Variants in BAIAP3 observed in about 807,000 individuals in gnomAD.
BAIAP3 encodes BAI1-associated protein 3.
In BAIAP3, 180 loss-of-function variants were observed where a neutral mutation model predicts 149.7. The ratio of observed to expected loss-of-function variants is 1.20; its 90% CI spans 1.07 to 1.36. BAIAP3 has a LOEUF of 1.36. BAIAP3 is among the 40% of genes most tolerant of loss of function. The pLI is 0.00. For missense variants in BAIAP3, 1,767 were observed against 1,563.4 expected (o/e 1.13, Z -2.20); for synonymous variants, 845 against 670.7 (o/e 1.26, Z -4.02).
intron 15 of BAIAP3, 43 bp from the exon 16 acceptor site, chr16:1,343,979 G>C: frequency 1.2e-6 from 2 of 1,608,132 alleles, no homozygotes; most frequent in Non-Finnish European, 1.7e-6. Context: ...CCTCATCAGT[G>C]GCCGGTCGGG....
In BAIAP3 at chr16:1,347,718, C is replaced by T. The variant is rs778223265; in HGVS notation, c.2922C>T (p.Asn974=). Reference sequence around the variant, plus strand: ...TTCCGCAGAGGACCCTGGAGCAGAACCGGTTTGGACGCCTGAGCGTCCGTT... The same window carrying T: ...TTCCGCAGAGGACCCTGGAGCAGAATCGGTTTGGACGCCTGAGCGTCCGTT... ...DKLKQRTLEQ[N]RFGRLSVRCH... is the part of the protein sequence containing the mutation. Residue 974 remains asparagine, a synonymous_variant, in exon 31 of 34, where the codon AAC becomes AAT. Transcript: ENST00000426824. 6.2e-7 allele frequency: 1 copy of T among 1,610,092 alleles called. No homozygotes were observed. Among genetic ancestry groups the T allele is most frequent in the South Asian group, 1.1e-5 (1 of 91,032 alleles).
Position 1,346,643 on chromosome 16 carries a change from G to A in BAIAP3, c.2601G>A (p.Leu867=), listed in dbSNP as rs1246124941. Reference sequence around the variant, plus strand: ...TCATGAAGTACCTGGATGAGAAGCTGGCCCTGCTGAACGCCTCGCTGGTGA... The same window carrying A: ...TCATGAAGTACCTGGATGAGAAGCTAGCCCTGCTGAACGCCTCGCTGGTGA... ...APLMKYLDEK[L]ALLNASLVKG... Residue 867 remains leucine (L), a synonymous_variant, in exon 27 of 34, where the codon CTG becomes CTA. Transcript: ENST00000426824. 1.3e-6 allele frequency: 2 copies of A among 1,503,040 alleles called. No homozygotes were observed. The highest frequency in any genetic ancestry group is 1.8e-6 in the Non-Finnish European group (2 of 1,120,712). The allele number at this position is 1,503,040 out of a possible 1,614,324, so 93.1% of individuals were successfully genotyped here.
chr16:1,339,160 A>T lies in BAIAP3; in HGVS notation c.220-4A>T, dbSNP rs2033679293. 3.8e-6 allele frequency: 6 copies of T among 1,566,590 alleles called. No individual in the cohort carries two copies. The East Asian group carries it at 1.4e-4, about 37-fold the overall frequency. On this transcript the variant is annotated splice_region_variant and splice_polypyrimidine_tract_variant and intron_variant, in intron 3 of 33. Transcript: ENST00000426824. ...AGAGCCCTCACCCTGGGCCCCACAC[A>T]CAGGTCCCCCTGCGCAGTGGCTCGC...
At chr16:1,334,569 A>G (rs567895945) in intron 1 of BAIAP3, 2 of 1,242,200 alleles carry the variant, frequency 1.6e-6, no homozygotes, top group Non-Finnish European at 2.3e-6. Flanking sequence ...GCTGGGCGCC[A>G]GCGGCTGGAC....
At chr16:1,337,734 T>G (rs1229419932) in intron 1 of BAIAP3, among the ~76,000 whole-genome samples, 1 of 152,108 alleles carries the variant, frequency 6.6e-6, no homozygotes. Flanking sequence ...CATGGCAACA[T>G]GAGGGGAACT....
In BAIAP3 at chr16:1,344,081, C is replaced by A; in HGVS notation, c.1446C>A (p.Arg482=). The A allele has an allele frequency of 6.2e-7, 1 of 1,612,250 alleles. No homozygotes were observed. Among genetic ancestry groups the A allele is most frequent in the Non-Finnish European group, 8.5e-7 (1 of 1,179,914 alleles). The change falls in exon 16 of 34, where the codon CGC becomes CGA. Residue 482 remains arginine, a synonymous_variant. Transcript: ENST00000426824. ...CTGAGTTCGGGCTGCAGCTGCTGCG[C>A]CAGCTCCGAGACTACTTCCCTGCCA... The part of the protein sequence containing the change: ...AFSEFGLQLL[R]QLRDYFPATN...
chr16:1,349,276 G>T lies in BAIAP3; in HGVS notation c.*794G>T. 1 of 795,888 alleles carries T rather than the reference G, an allele frequency of 1.3e-6. No individual in the cohort carries two copies. The highest frequency in any genetic ancestry group is 2.1e-6 in the Non-Finnish European group (1 of 471,506). The allele number at this position is 795,888 out of a possible 1,614,324, so 49.3% of individuals were successfully genotyped here. On this transcript the variant is annotated 3_prime_UTR_variant, in exon 34 of 34. Coordinates refer to ENST00000426824, the MANE Select transcript of BAIAP3 (RefSeq NM_001199097.2). The stretch of plus-strand genomic sequence containing the variant: ...CAGCTTCATTTGCGAGAGCGCCGAG[G>T]CAGGACACAGAGCACAGCTGTGCTG...
rs538540698 is a variant in BAIAP3 at position 1,346,253 on chromosome 16, C to T, written c.2385C>T (p.Ala795=). 5.0e-6 allele frequency: 8 copies of T among 1,611,240 alleles called. No homozygotes were observed. The East Asian group carries it at 1.3e-4, about 27-fold the overall frequency. ...AGGGCCTGGCATGGCCAGAGGGGGCCACGGGGCCCGAGGGGGTGCTCCCCC... is the reference window on the plus strand; with the variant it reads ...AGGGCCTGGCATGGCCAGAGGGGGCTACGGGGCCCGAGGGGGTGCTCCCCC... The part of the protein sequence containing the change: ...ALKGLAWPEG[A]TGPEGVLPRP... Residue 795 remains alanine, a synonymous_variant, in exon 25 of 34, where the codon GCC becomes GCT. Transcript: ENST00000426824.
chr16:1,340,451 C>T (rs1455012826), intron 5 of BAIAP3, among the ~76,000 whole-genome samples: 2 of 83,510 alleles, frequency 2.4e-5, no homozygotes, highest in African/African-American at 7.2e-5. Flanking sequence ...ACACAGGTTG[C>T]AGGTGCACAC....
Position 1,345,952 on chromosome 16 carries a change from G to A in BAIAP3, c.2209-34G>A, listed in dbSNP as rs751464426. On this transcript the variant is annotated intron_variant, in intron 23 of 33. Transcript: ENST00000426824. ...GGGAGAGGAGATGGGGCAGGGGAGGGCTCCATGGCTCCCCACCGCCATCCC... is the reference window on the plus strand; with the variant it reads ...GGGAGAGGAGATGGGGCAGGGGAGGACTCCATGGCTCCCCACCGCCATCCC... 4.4e-6 allele frequency: 7 copies of A among 1,588,770 alleles called. No homozygotes were observed. In the South Asian group the frequency reaches 6.8e-5, roughly 16 times the overall value.
Position 1,345,357 on chromosome 16 carries a change from C to A in BAIAP3, c.2049C>A (p.Ala683=). The A allele has an allele frequency of 6.2e-7, 1 of 1,612,492 alleles. No homozygotes were observed. Residue 683 remains alanine (A), a synonymous_variant, in exon 22 of 34, where the codon GCC becomes GCA. Transcript: ENST00000426824. The part of the protein sequence containing the change: ...RDQAKWRLQG[A]VDMDTLEPVD... ...AGGCCAAGTGGAGGCTTCAGGGAGCCGTGGACATGGACACGGTGACAGCTG... is the reference window on the plus strand; with the variant it reads ...AGGCCAAGTGGAGGCTTCAGGGAGCAGTGGACATGGACACGGTGACAGCTG...
chr16:1,342,618 AG>A lies in BAIAP3; in HGVS notation c.1050del (p.Lys350AsnfsTer2). On this transcript the variant is annotated frameshift_variant, in exon 12 of 34. Coordinates refer to ENST00000426824, the MANE Select transcript of BAIAP3 (RefSeq NM_001199097.2). LOFTEE classifies it high-confidence loss of function. The part of the protein sequence containing the change: ...RVQGHCHLVL[K>X]LITTQRDTAM... ...CAGGGACACTGCCACCTGGTTCTCA[AG>A]CTGATCACTACGCAGGTGGGGAAAG... 6.3e-7 allele frequency: 1 copy of A among 1,579,370 alleles called. No individual in the cohort carries two copies.
rs1418879363 is a variant in BAIAP3 at position 1,343,011 on chromosome 16, C to G, written c.1260C>G (p.Ala420=). The G allele has an allele frequency of 6.2e-7, 1 of 1,603,632 alleles. No homozygotes were observed. The highest frequency in any genetic ancestry group is 8.5e-7 in the Non-Finnish European group (1 of 1,177,216). Residue 420 remains alanine, a synonymous_variant, in exon 14 of 34, where the codon GCC becomes GCG. Transcript: ENST00000426824. The stretch of plus-strand genomic sequence containing the variant: ...GCAACCTGTCACCCTTGCAGCTGGC[C>G]GTGCTGTGAGTGGGTGGAGCTACGA... ...AQSNLSPLQL[A]VLHWQVSSRH...
chr16:1,345,592 CG>C, intron 22 of BAIAP3, 154 bp from the exon 23 acceptor site: 1 of 216,622 alleles, frequency 4.6e-6, no homozygotes, highest in Non-Finnish European at 7.4e-6. Flanking sequence ...CAGCCTCCCC[CG>C]CAACCCCAGC....
At chr16:1,337,789 A>G (rs916612368) in intron 1 of BAIAP3, among the ~76,000 whole-genome samples, 3 of 152,140 alleles carry the variant, frequency 2.0e-5, no homozygotes, top group Admixed American at 2.0e-4. Flanking sequence ...TACACCCGGC[A>G]TTTTCCAGCG....
chr16:1,346,559 G>C (rs772580061), intron 26 of BAIAP3, 46 bp from the exon 27 acceptor site: 1 of 1,580,036 alleles, frequency 6.3e-7, no homozygotes, highest in Non-Finnish European at 8.6e-7. Flanking sequence ...ACTGGGGGTA[G>C]GGCAGAGGTG....
chr16:1,348,247 G>C lies in BAIAP3; in HGVS notation c.3301G>C (p.Gly1101Arg). The C allele has an allele frequency of 6.2e-7, 1 of 1,604,840 alleles. No homozygotes were observed. Among genetic ancestry groups the C allele is most frequent in the Non-Finnish European group, 8.5e-7 (1 of 1,177,806 alleles). ...TGTCGCCCGGCCCCAGGTGGGCGGG[G>C]GTGCAAGGGCTGGGCAGCCTGTCAC... ...TGVARPQVGG[G>R]ARAGQPVTLH... The change falls in exon 33 of 34, where the codon GGT (glycine) becomes CGT (arginine). Residue 1101 changes from glycine to arginine, a missense_variant. Gly to Arg is a moderately radical substitution (Grantham distance 125). Coordinates refer to ENST00000426824, the MANE Select transcript of BAIAP3 (RefSeq NM_001199097.2).
chr16:1,345,482 C>A, intron 22 of BAIAP3, 110 bp downstream of exon 22: 1 of 1,311,058 alleles, frequency 7.6e-7, no homozygotes. Context: ...CTCCGCCTCC[C>A]CAGCCTCCCC....
In BAIAP3 at chr16:1,345,611, G is replaced by GCAACCCCAGCCTCCCCCA. The variant is rs2034287343; in HGVS notation, c.2065-119_2065-102dup. The stretch of plus-strand genomic sequence containing the variant: ...CTCCCCCGCAACCCCAGCCTCCTCA[G>GCAACCCCAGCCTCCCCCA]CAACCCCAGCCTCCCCCACAACCCC... On this transcript the variant is annotated intron_variant, in intron 22 of 33. Coordinates refer to ENST00000426824, the MANE Select transcript of BAIAP3 (RefSeq NM_001199097.2). 2.2e-5 allele frequency: 6 copies of GCAACCCCAGCCTCCCCCA among 275,172 alleles called. 1 individual carries two copies. Among genetic ancestry groups the GCAACCCCAGCCTCCCCCA allele is most frequent in the South Asian group, 7.4e-5 (2 of 26,956 alleles). The allele number at this position is 275,172 out of a possible 1,614,324, so 17.0% of individuals were successfully genotyped here. A position where few individuals can be genotyped will look rare whatever the true frequency, so the allele number is the denominator to read the frequency against.
Sources: gnomAD v4.1 joint callset for allele counts (sites outside exome capture counted in the v4.1 genomes callset) on GRCh38, gnomAD v4.1.1 for gene constraint, MANE v1.5 for transcripts, NCBI Gene and HGNC (gene_info 2026-07-23, HGNC 2026-07-21) for gene names.